Variants in RELN observed in about 807,000 individuals in gnomAD.
RELN encodes reelin.
Under a neutral mutation model 427.6 loss-of-function variants are expected in RELN, and 108 were observed. The ratio of observed to expected loss-of-function variants is 0.25; its 90% CI spans 0.22 to 0.30. RELN has a LOEUF of 0.30. RELN is among the 10% of genes least tolerant of loss of function. The pLI, the probability that RELN is intolerant of heterozygous loss-of-function variation, is 1.00. For synonymous variants in RELN, 1,524 were observed against 1,513.4 expected, an observed-to-expected ratio of 1.01 and a Z score of -0.16; for missense variants, 3,715 against 4,302.8, an observed-to-expected ratio of 0.86 and a Z score of 3.82.
chr7:103,497,544 A>G (rs565644343), intron 55 of RELN, among the ~76,000 whole-genome samples: 104 of 152,280 alleles, frequency 6.8e-4, no homozygotes, highest in Non-Finnish European at 1.2e-3. Flanking sequence ...GTATTTCTTA[A>G]TTGTATCACT....
At chr7:103,926,429 C>T (rs1795737545) in intron 1 of RELN, among the ~76,000 whole-genome samples, 1 of 151,916 alleles carries the variant, frequency 6.6e-6, no homozygotes, top group Admixed American at 6.6e-5. Flanking sequence ...TGAAAATATG[C>T]CATTACGAAA....
rs979086619 is a variant in RELN at position 103,952,216 on chromosome 7, G to A, written c.227-35031C>T. On this transcript the variant is annotated intron_variant, in intron 1 of 64. Coordinates refer to ENST00000428762, the MANE Select transcript of RELN (RefSeq NM_005045.4). ...TTCTTAATTATTTGGTGAACTGTAA[G>A]GCAGGAAATGGGTGAGTCCAAGGAT... Among the ~76,000 whole-genome samples the A allele has an allele frequency of 4.6e-5, 7 of 152,272 alleles. No individual in the cohort carries two copies. In the East Asian group the frequency reaches 1.4e-3, roughly 29 times the overall value.
chr7:103,913,503 C>A (rs1795414680), intron 2 of RELN, among the ~76,000 whole-genome samples: 1 of 152,102 alleles, frequency 6.6e-6, no homozygotes, highest in African/African-American at 2.4e-5. Context: ...TGTTCTAGGT[C>A]AAAAAGTGCC....
chr7:103,689,047 T>A (rs781163306), intron 10 of RELN, among the ~76,000 whole-genome samples: 38 of 152,104 alleles, frequency 2.5e-4, no homozygotes, highest in Non-Finnish European at 5.0e-4. Flanking sequence ...TCTAAATCCT[T>A]GATATTAGTT....
chr7:103,979,888 G>A (rs1337887782), intron 1 of RELN, among the ~76,000 whole-genome samples: 1 of 152,102 alleles, frequency 6.6e-6, no homozygotes, highest in South Asian at 2.1e-4. Flanking sequence ...TTGGCCAGGC[G>A]CGATGGCTCA....
chr7:103,759,006 G>A (rs147824223), intron 4 of RELN, among the ~76,000 whole-genome samples: 197 of 152,012 alleles, frequency 1.3e-3, no homozygotes, highest in Non-Finnish European at 2.1e-3. Flanking sequence ...CACAGACTAC[G>A]CAAAGAGGAC....
At chr7:103,622,981 T>C (rs1832253629) in intron 20 of RELN, among the ~76,000 whole-genome samples, 3 of 152,158 alleles carry the variant, frequency 2.0e-5, no homozygotes, top group African/African-American at 4.8e-5. Flanking sequence ...TATCAATAAA[T>C]GAAAAACTTC....
chr7:103,621,054 T>A lies in RELN; in HGVS notation c.2702+8886A>T, dbSNP rs538765901. 3.2e-3 allele frequency among the ~76,000 whole-genome samples: 481 copies of A among 152,342 alleles called. 1 individual carries two copies. Among genetic ancestry groups the A allele is most frequent in the African/African-American group, 0.011 (463 of 41,574 alleles). On this transcript the variant is annotated intron_variant, in intron 20 of 64. Coordinates refer to ENST00000428762, the MANE Select transcript of RELN (RefSeq NM_005045.4). ...TTTAGAGCATACTCAAACAGAGCCA[T>A]TTTAAGACTTTTGTAGGACCTCGAT...
intron 1 of RELN, among the ~76,000 whole-genome samples, chr7:103,931,271 C>T (rs1217419896): frequency 6.6e-6 from 1 of 152,140 alleles, no homozygotes; most frequent in Non-Finnish European, 1.5e-5. Flanking sequence ...CAGTTTCAGG[C>T]CTTTGTTCTC....
chr7:103,747,065 A>G (rs1459521873), intron 6 of RELN, among the ~76,000 whole-genome samples: 10 of 152,240 alleles, frequency 6.6e-5, no homozygotes, highest in Admixed American at 6.5e-4. Flanking sequence ...CATATACACC[A>G]TGGAATACTA....
intron 6 of RELN, among the ~76,000 whole-genome samples, chr7:103,745,619 A>C (rs542457785): frequency 6.6e-5 from 10 of 151,772 alleles, no homozygotes; most frequent in African/African-American, 2.4e-4. Flanking sequence ...TTATGCACCA[A>C]TAACAGACAA....
At chr7:103,759,166 G>A (rs1281055334) in intron 4 of RELN, among the ~76,000 whole-genome samples, 1 of 152,032 alleles carries the variant, frequency 6.6e-6, no homozygotes, top group African/African-American at 2.4e-5. Flanking sequence ...TTCTTGAAAT[G>A]ATTTACTAAT....
chr7:103,699,971 CA>C lies in RELN; in HGVS notation c.902+938del, dbSNP rs199677650. On this transcript the variant is annotated intron_variant, in intron 9 of 64. Coordinates refer to ENST00000428762, the MANE Select transcript of RELN (RefSeq NM_005045.4). Reference sequence around the variant, plus strand: ...TATTATTATTTTTAAACACCACTACCAAAGAAACTTTAGACAAACTGGCTTA... The same window carrying C: ...TATTATTATTTTTAAACACCACTACCAAGAAACTTTAGACAAACTGGCTTA... Among the ~76,000 whole-genome samples the C allele has an allele frequency of 4.4e-3, 668 of 151,898 alleles. 3 individuals are homozygous for C. The highest frequency in any genetic ancestry group is 0.016 in the African/African-American group (646 of 41,474).
At chr7:103,920,740 A>C (rs561206104) in intron 1 of RELN, among the ~76,000 whole-genome samples, 1 of 152,010 alleles carries the variant, frequency 6.6e-6, no homozygotes, top group South Asian at 2.1e-4. Context: ...TGTGTGGCTA[A>C]TGAATGTATT....
At chr7:103,554,357 G>A in intron 38 of RELN, among the ~76,000 whole-genome samples, 1 of 136,560 alleles carries the variant, frequency 7.3e-6, no homozygotes, top group Non-Finnish European at 1.5e-5. Flanking sequence ...TGGGCAGATT[G>A]CCCAAGCCTG....
chr7:103,677,100 C>T (rs1309487422), intron 11 of RELN, among the ~76,000 whole-genome samples: 2 of 150,848 alleles, frequency 1.3e-5, no homozygotes, highest in South Asian at 4.2e-4. Context: ...GGATGAGTTG[C>T]TGTCCTTTGC....
chr7:103,712,233 A>G (rs1789821575), intron 8 of RELN, among the ~76,000 whole-genome samples: 1 of 152,168 alleles, frequency 6.6e-6, no homozygotes, highest in South Asian at 2.1e-4. Flanking sequence ...GCAGTAGCCT[A>G]TTTACCGTAA....
intron 2 of RELN, among the ~76,000 whole-genome samples, chr7:103,886,175 A>G (rs921463010): frequency 1.3e-5 from 2 of 152,160 alleles, no homozygotes; most frequent in African/African-American, 4.8e-5. Context: ...TTATTCTTAA[A>G]GCCAAAATGA....
At chr7:103,970,144 T>TC (rs1255150513) in intron 1 of RELN, among the ~76,000 whole-genome samples, 2 of 150,996 alleles carry the variant, frequency 1.3e-5, no homozygotes, top group African/African-American at 4.9e-5. Flanking sequence ...TTTCTTTTTT[T>TC]CCTTTTTTTT....
Sources: allele counts gnomAD v4.1 joint callset (sites outside exome capture counted in the v4.1 genomes callset), GRCh38; gene constraint gnomAD v4.1.1; transcripts MANE v1.5; gene names NCBI Gene and HGNC (gene_info 2026-07-23, HGNC 2026-07-21).